Variants in TRIO observed in about 807,000 individuals in gnomAD.
TRIO encodes trio Rho guanine nucleotide exchange factor, also known as triple functional domain protein.
TRIO carries 58 observed loss-of-function variants against 351.9 expected under a neutral mutation model. The ratio of observed to expected loss-of-function variants is 0.16; its 90% CI spans 0.13 to 0.21. TRIO has a LOEUF of 0.21. TRIO is among the 10% of genes least tolerant of loss of function. The probability of loss-of-function intolerance (pLI) is 1.00; values close to 1 mark genes in which losing one functional copy is unlikely to be tolerated. For missense variants in TRIO, 3,201 were observed against 4,027.8 expected, an observed-to-expected ratio of 0.79 and a Z score of 5.56; for synonymous variants, 1,758 against 1,595.7, an observed-to-expected ratio of 1.10 and a Z score of -2.42.
rs867421075 is a variant in TRIO at position 14,352,450 on chromosome 5, G to A, written c.2047-5728G>A. Among the ~76,000 whole-genome samples, 24 of 152,314 alleles carry A rather than the reference G, an allele frequency of 1.6e-4. No individual in the cohort carries two copies. The South Asian group carries it at 2.9e-3, about 18-fold the overall frequency. ...CAATTTTTCCTCTTAGGAGTTTATGGTAAGAATTTTATAGGCATCCTAGAG... is the reference window on the plus strand; with the variant it reads ...CAATTTTTCCTCTTAGGAGTTTATGATAAGAATTTTATAGGCATCCTAGAG... On this transcript the variant is annotated intron_variant, in intron 11 of 56. Coordinates refer to ENST00000344204, the MANE Select transcript of TRIO (RefSeq NM_007118.4).
At chr5:14,425,151 C>G (rs1750535497) in intron 34 of TRIO, among the ~76,000 whole-genome samples, 1 of 152,236 alleles carries the variant, frequency 6.6e-6, no homozygotes, top group South Asian at 2.1e-4. Context: ...ATGCAGCCGT[C>G]ATTACCATTC....
chr5:14,389,065 G>A (rs1040702176), intron 24 of TRIO, among the ~76,000 whole-genome samples: 7 of 152,264 alleles, frequency 4.6e-5, no homozygotes, highest in African/African-American at 1.7e-4. Flanking sequence ...AAAATTTGAA[G>A]CTGGGAATAA....
intron 9 of TRIO, among the ~76,000 whole-genome samples, chr5:14,317,185 T>C (rs1430601003): frequency 6.6e-6 from 1 of 152,204 alleles, no homozygotes; most frequent in East Asian, 1.9e-4. Context: ...AGTTGTCTTG[T>C]TGATGAAAAG....
chr5:14,504,683 G>C, intron 55 of TRIO, 90 bp downstream of exon 55: 1 of 1,476,892 alleles, frequency 6.8e-7, no homozygotes, highest in South Asian at 1.3e-5. Context: ...AAGAAGGATA[G>C]AAATTGGGTT....
At chr5:14,493,147 C>T (rs1756615723) in intron 49 of TRIO, among the ~76,000 whole-genome samples, 1 of 152,110 alleles carries the variant, frequency 6.6e-6, no homozygotes, top group Non-Finnish European at 1.5e-5. Flanking sequence ...GGGAAAATAT[C>T]CCCTATCTTT....
At chr5:14,291,270 A>C in intron 5 of TRIO, 42 bp downstream of exon 5, 1 of 1,586,906 alleles carries the variant, frequency 6.3e-7, no homozygotes, top group East Asian at 2.2e-5. Context: ...ACATGGGGGA[A>C]GCCAGCGCTG....
Position 14,419,925 on chromosome 5 carries a change from C to T in TRIO, c.5107C>T (p.Arg1703Cys), listed in dbSNP as rs143962916. The T allele has an allele frequency of 1.9e-6, 3 of 1,614,182 alleles. No individual in the cohort carries two copies. The highest frequency in any genetic ancestry group is 1.3e-5 in the African/African-American group (1 of 75,068). The stretch of plus-strand genomic sequence containing the variant: ...CTGGTGTCTGGTGCGGACAACTGAC[C>T]GCTCCCCAGCGGCAGAAGGCCTGGT... ...PDWCLVRTTD[R>C]SPAAEGLVPC... The change falls in exon 34 of 57, where the codon CGC becomes TGC. Residue 1703 changes from arginine (R) to cysteine (C), a missense_variant. Arg to Cys is a radical substitution (Grantham distance 180, BLOSUM62 -3). This residue lies in a region of TRIO where 193 missense variants were observed against 218.8 expected (regional missense o/e 0.88). Transcript: ENST00000344204.
At chr5:14,222,799 C>T (rs1792730103) in intron 1 of TRIO, among the ~76,000 whole-genome samples, 1 of 152,172 alleles carries the variant, frequency 6.6e-6, no homozygotes, top group South Asian at 2.1e-4. Flanking sequence ...TCCTGAAGCC[C>T]CAGTTGATCA....
chr5:14,144,232 G>A (rs1297203671), intron 1 of TRIO, among the ~76,000 whole-genome samples: 1 of 152,218 alleles, frequency 6.6e-6, no homozygotes, highest in Non-Finnish European at 1.5e-5. Flanking sequence ...TTCGCTGGAG[G>A]ACCGAGGAGG....
At chr5:14,282,585 T>G (rs1324346513) in intron 3 of TRIO, among the ~76,000 whole-genome samples, 1 of 152,202 alleles carries the variant, frequency 6.6e-6, no homozygotes, top group Non-Finnish European at 1.5e-5. Context: ...ACCTTTTTTT[T>G]GTGGGAAATT....
rs34555056 is a variant in TRIO, at chr5:14,509,378, T to TTGTG, written c.*964_*967dup. 4.5e-6 allele frequency: 2 copies of TTGTG among 447,176 alleles called. No homozygotes were observed. The highest frequency in any genetic ancestry group is 8.9e-6 in the Non-Finnish European group (2 of 224,496). 27.7% of individuals were successfully genotyped at this position (447,176 alleles called of 1,614,324 possible). A position where few individuals can be genotyped will look rare whatever the true frequency, so the allele number is the denominator to read the frequency against. ...ACTTCGTATGGTGAGCTTTATGGTTTTGTGTGTGTGTTGGGGTTGGCGGGT... is the reference window on the plus strand; with the variant it reads ...ACTTCGTATGGTGAGCTTTATGGTTTTGTGTGTGTGTGTGTTGGGGTTGGCGGGT... On this transcript the variant is annotated 3_prime_UTR_variant, in exon 57 of 57. Coordinates refer to ENST00000344204, the MANE Select transcript of TRIO (RefSeq NM_007118.4).
At chr5:14,267,760 T>C (rs190391206) in intron 1 of TRIO, among the ~76,000 whole-genome samples, 214 of 151,182 alleles carry the variant, frequency 1.4e-3, no homozygotes, top group African/African-American at 5.1e-3. Context: ...GTTCTTTGCT[T>C]ATTGGTTTTT....
chr5:14,415,495 G>A (rs779959849), intron 33 of TRIO, among the ~76,000 whole-genome samples: 3 of 152,160 alleles, frequency 2.0e-5, no homozygotes, highest in Non-Finnish European at 2.9e-5. Flanking sequence ...GTGACAACTC[G>A]CAGTGTGAGA....
Position 14,488,171 on chromosome 5 carries a change from C to G in TRIO, c.7543C>G (p.Arg2515Gly), listed in dbSNP as rs766894115. Residue 2515 changes from arginine (R) to glycine (G), a missense_variant, in exon 48 of 57, where the codon CGC becomes GGC. This residue lies in a region of TRIO where 1,089 missense variants were observed against 954.9 expected (regional missense o/e 1.14). Coordinates refer to ENST00000344204, the MANE Select transcript of TRIO (RefSeq NM_007118.4). ...DSDSLQRQTP[R>G]HAAPGKDTDR... Reference sequence around the variant, plus strand: ...CGACTCCCTCCAGCGGCAGACACCCCGCCACGCGGCCCCTGGCAAGGATAC... The same window carrying G: ...CGACTCCCTCCAGCGGCAGACACCCGGCCACGCGGCCCCTGGCAAGGATAC... 3.1e-6 allele frequency: 5 copies of G among 1,602,982 alleles called. No homozygotes were observed. The highest frequency in any genetic ancestry group is 1.1e-5 in the South Asian group (1 of 90,754).
At chr5:14,261,799 C>T (rs1795359632) in intron 1 of TRIO, among the ~76,000 whole-genome samples, 1 of 152,188 alleles carries the variant, frequency 6.6e-6, no homozygotes, top group Non-Finnish European at 1.5e-5. Flanking sequence ...TTGGTTTGGG[C>T]AGATAACTTC....
intron 9 of TRIO, among the ~76,000 whole-genome samples, chr5:14,326,736 G>T (rs1740427652): frequency 6.6e-6 from 1 of 152,206 alleles, no homozygotes; most frequent in South Asian, 2.1e-4. Flanking sequence ...ATAGATAAAG[G>T]CCTGTAATTT....
chr5:14,473,918 G>T, intron 39 of TRIO, 76 bp from the exon 40 acceptor site: 1 of 1,462,230 alleles, frequency 6.8e-7, no homozygotes, highest in South Asian at 1.3e-5. Context: ...TGCCCTCTGT[G>T]ACTATTAATC....
In TRIO at chr5:14,184,979, A is replaced by G. The variant is rs1790017075; in HGVS notation, c.157+41097A>G. On this transcript the variant is annotated intron_variant, in intron 1 of 56. Coordinates refer to ENST00000344204, the MANE Select transcript of TRIO (RefSeq NM_007118.4). ...TTGGTGCCAGGCTTGGGTGGACGTC[A>G]CCAATACCTCCTTATTCGGGTCCAT... 2.0e-5 allele frequency among the ~76,000 whole-genome samples: 3 copies of G among 152,116 alleles called. No individual in the cohort carries two copies. The South Asian group carries it at 6.2e-4, about 32-fold the overall frequency.
At chr5:14,386,061 C>G (rs1561424575) in intron 21 of TRIO, among the ~76,000 whole-genome samples, 1 of 152,224 alleles carries the variant, frequency 6.6e-6, no homozygotes, top group South Asian at 2.1e-4. Context: ...TAAAAAATCA[C>G]TTGCACCCTC....
Sources: gnomAD v4.1 joint callset for allele counts (sites outside exome capture counted in the v4.1 genomes callset) on GRCh38, gnomAD v4.1.1 for gene constraint, gnomAD v4.1.1 regional missense constraint, MANE v1.5 for transcripts, NCBI Gene and HGNC (gene_info 2026-07-23, HGNC 2026-07-21) for gene names.